Variants in KAT14 observed in about 807,000 individuals in gnomAD.
KAT14 encodes cysteine-rich protein 2-binding protein.
KAT14 carries 66 observed loss-of-function variants against 78.4 expected under a neutral mutation model. That is an observed-to-expected ratio of 0.84 (90% confidence interval 0.69 to 1.03). The LOEUF is 1.03. Among genes scored for constraint, KAT14 ranks in the 50% least tolerant of loss-of-function variants. The pLI is 0.00. For missense variants in KAT14, 870 were observed against 972.5 expected, an observed-to-expected ratio of 0.89 and a Z score of 1.40; for synonymous variants, 344 against 359.4, an observed-to-expected ratio of 0.96 and a Z score of 0.48.
At position 18,151,388 on chromosome 20, in the gene KAT14, G is replaced by A. The variant is rs1457124298; in HGVS notation, c.500+446G>A. On this transcript the variant is annotated intron_variant, in intron 4 of 10. Coordinates refer to ENST00000688188, the MANE Select transcript of KAT14 (RefSeq NM_001392073.1). ...ATTTTTGTATTTTTAGTAGAGACGG[G>A]GTTTCACCATGTTGGCCAGGCTGGT... Among the ~76,000 whole-genome samples, 3 of 151,838 alleles carry A rather than the reference G, an allele frequency of 2.0e-5. No individual in the cohort carries two copies. In the East Asian group the frequency reaches 5.9e-4, roughly 30 times the overall value.
intron 7 of KAT14, among the ~76,000 whole-genome samples, chr20:18,164,278 G>A (rs905140188): frequency 1.3e-5 from 2 of 152,166 alleles, no homozygotes; most frequent in Non-Finnish European, 2.9e-5. Flanking sequence ...CTTCAGTACA[G>A]TACTCCCACC....
chr20:18,174,638 G>A (rs796411310), intron 7 of KAT14, among the ~76,000 whole-genome samples: 27 of 148,838 alleles, frequency 1.8e-4, no homozygotes, highest in African/African-American at 5.9e-4. Context: ...TGTTTAGTTT[G>A]TTATCCTTTT....
Position 18,142,259 on chromosome 20 carries a change from G to T in KAT14, c.-402G>T. 6.5e-7 allele frequency: 1 copy of T among 1,537,150 alleles called. No homozygotes were observed. The highest frequency in any genetic ancestry group is 1.4e-5 in the African/African-American group (1 of 73,162). On this transcript the variant is annotated 5_prime_UTR_variant, in exon 2 of 11. It introduces an in-frame stop codon into an upstream open reading frame of the 5' UTR. Coordinates refer to ENST00000688188, the MANE Select transcript of KAT14 (RefSeq NM_001392073.1). Reference sequence around the variant, plus strand: ...CATTGAGAGGCAAATTCGGAAAAAAGAAAACATTCGTCTTTTGGGAGAACA... The same window carrying T: ...CATTGAGAGGCAAATTCGGAAAAAATAAAACATTCGTCTTTTGGGAGAACA...
Position 18,138,494 on chromosome 20 carries a change from C to T in KAT14, c.-454+443C>T, listed in dbSNP as rs554107322. ...CATTCTGCAAGCTACCAGCCTCCCT[C>T]CTGGCCCAAGGTTGGGGTTAAAGCC... On this transcript the variant is annotated intron_variant, in intron 1 of 10. Coordinates refer to ENST00000688188, the MANE Select transcript of KAT14 (RefSeq NM_001392073.1). The T allele has an allele frequency of 2.5e-5, 25 of 982,684 alleles. No individual in the cohort carries two copies. The South Asian group carries it at 9.0e-4, about 35-fold the overall frequency. The allele number at this position is 982,684 out of a possible 1,614,324, so 60.9% of individuals were successfully genotyped here.
intron 7 of KAT14, among the ~76,000 whole-genome samples, chr20:18,166,735 T>C (rs542087595): frequency 6.6e-5 from 10 of 152,312 alleles, no homozygotes; most frequent in Middle Eastern, 3.4e-3. Context: ...CTGTGGCCCA[T>C]CTTTACCTTG....
At chr20:18,172,609 G>T (rs2146482645) in intron 7 of KAT14, among the ~76,000 whole-genome samples, 1 of 152,254 alleles carries the variant, frequency 6.6e-6, no homozygotes, top group African/African-American at 2.4e-5. Flanking sequence ...AAAAACTTGT[G>T]CAGCTTGCTT....
At position 18,185,634 on chromosome 20, in the gene KAT14, T is replaced by C. The variant is rs2039427060; in HGVS notation, c.2172+842T>C. Among the ~76,000 whole-genome samples the C allele has an allele frequency of 2.0e-5, 3 of 152,216 alleles. No individual in the cohort carries two copies. The South Asian group carries it at 6.2e-4, about 31-fold the overall frequency. On this transcript the variant is annotated intron_variant, in intron 10 of 10. Transcript: ENST00000688188. ...ATATTTGTATCACCTTTGAAGAAAATACACCATATATCACCATCAAAAAAC... is the reference window on the plus strand; with the variant it reads ...ATATTTGTATCACCTTTGAAGAAAACACACCATATATCACCATCAAAAAAC...
chr20:18,184,965 T>G (rs2039407371), intron 10 of KAT14, among the ~76,000 whole-genome samples, 173 bp downstream of exon 10: 1 of 152,054 alleles, frequency 6.6e-6, no homozygotes, highest in Admixed American at 6.6e-5. Flanking sequence ...AAGCACACAG[T>G]CAAAAATCTT....
In KAT14 at chr20:18,140,701, A is replaced by G. The variant is rs1239343267; in HGVS notation, c.-453-1507A>G. ...GTGGCGCACGCCTGTAATCTCAGCT[A>G]CTGGGGAGGCTGAGGCACAAGAATC... On this transcript the variant is annotated intron_variant, in intron 1 of 10. Transcript: ENST00000688188. 2.6e-5 allele frequency among the ~76,000 whole-genome samples: 4 copies of G among 151,292 alleles called. No individual in the cohort carries two copies. In the East Asian group the frequency reaches 5.9e-4, roughly 22 times the overall value.
In KAT14 at chr20:18,150,824, G is replaced by A. The variant is rs764600810; in HGVS notation, c.382G>A (p.Val128Ile). ...ERLKLTWQQV[V>I]MLAMYNLSLE... ...TCTTGTTTCAATTGTGTTTCAGGTCGTCATGTTGGCAATGTACAACTTGTC... is the reference window on the plus strand; with the variant it reads ...TCTTGTTTCAATTGTGTTTCAGGTCATCATGTTGGCAATGTACAACTTGTC... Residue 128 changes from valine to isoleucine, a missense_variant, in exon 4 of 11, where the codon GTC (valine) becomes ATC (isoleucine). Physicochemically the swap from Val to Ile is conservative, Grantham distance 29. Transcript: ENST00000688188. The A allele has an allele frequency of 1.1e-5, 18 of 1,613,870 alleles. No homozygotes were observed. The highest frequency in any genetic ancestry group is 4.4e-5 in the South Asian group (4 of 91,064).
intron 4 of KAT14, among the ~76,000 whole-genome samples, chr20:18,152,225 T>G (rs1297825783): frequency 6.6e-6 from 1 of 152,032 alleles, no homozygotes; most frequent in African/African-American, 2.4e-5. Flanking sequence ...GGAGGATCAC[T>G]CGAGCCCAGG....
At chr20:18,143,882 G>A (rs1202473595) in intron 2 of KAT14, among the ~76,000 whole-genome samples, 2 of 152,044 alleles carry the variant, frequency 1.3e-5, no homozygotes, top group African/African-American at 2.4e-5. Flanking sequence ...CATCCGCCTC[G>A]GCCTCCCAAA....
intron 10 of KAT14, among the ~76,000 whole-genome samples, chr20:18,185,520 A>T (rs2039423574): frequency 2.0e-5 from 3 of 152,196 alleles, no homozygotes; most frequent in African/African-American, 7.2e-5. Flanking sequence ...ATTTTTGCTG[A>T]TAGTTTGTAA....
intron 4 of KAT14, among the ~76,000 whole-genome samples, chr20:18,155,646 G>A (rs1258680141): frequency 1.3e-5 from 2 of 152,266 alleles, no homozygotes; most frequent in East Asian, 1.9e-4. Context: ...AAGATGCTCA[G>A]CATCACTAAT....
At chr20:18,146,362 G>A (rs1289319009) in intron 3 of KAT14, among the ~76,000 whole-genome samples, 2 of 151,582 alleles carry the variant, frequency 1.3e-5, no homozygotes, top group African/African-American at 4.8e-5. Flanking sequence ...GTGAAACCCC[G>A]ACTCTATAAA....
chr20:18,176,354 G>A (rs1343883840), intron 7 of KAT14, among the ~76,000 whole-genome samples: 1 of 151,430 alleles, frequency 6.6e-6, no homozygotes, highest in African/African-American at 2.4e-5. Flanking sequence ...GATCTGCTGT[G>A]AACTAAGACA....
intron 3 of KAT14, among the ~76,000 whole-genome samples, chr20:18,145,695 C>G (rs966621016): frequency 2.6e-5 from 4 of 151,910 alleles, no homozygotes; most frequent in Non-Finnish European, 4.4e-5. Flanking sequence ...GCAGGAGAAT[C>G]GCTTGAACCT....
intron 7 of KAT14, among the ~76,000 whole-genome samples, chr20:18,166,988 G>A (rs562209041): frequency 6.6e-6 from 1 of 152,190 alleles, no homozygotes; most frequent in Non-Finnish European, 1.5e-5. Flanking sequence ...TGGTTGCCAA[G>A]TTGGGGAAGA....
chr20:18,145,166 G>A lies in KAT14; in HGVS notation c.260-67G>A, dbSNP rs948743757. 24 of 1,543,092 alleles carry A rather than the reference G, an allele frequency of 1.6e-5. 1 individual carries two copies. Among genetic ancestry groups the A allele is most frequent in the African/African-American group, 1.4e-5 (1 of 72,204 alleles). ...GGAAAGGAAAATCTGGGTGATAAAC[G>A]GATTAAACCTTTAGGTTACCGCTGC... On this transcript the variant is annotated intron_variant, in intron 2 of 10. Coordinates refer to ENST00000688188, the MANE Select transcript of KAT14 (RefSeq NM_001392073.1).
Sources: gnomAD v4.1 joint callset for allele counts (sites outside exome capture counted in the v4.1 genomes callset) on GRCh38, gnomAD v4.1.1 for gene constraint, MANE v1.5 for transcripts, NCBI Gene and HGNC (gene_info 2026-07-23, HGNC 2026-07-21) for gene names.